UGT1A8: variants seen among roughly 807,000 people sequenced by gnomAD.
UGT1A8 encodes UDP glucuronosyltransferase family 1 member A8.
UGT1A8 carries 39 observed loss-of-function variants against 45.3 expected under a neutral mutation model. The observed-to-expected ratio is 0.86, with a 90% CI of 0.67 to 1.12. UGT1A8 has a LOEUF of 1.12. Among genes scored for constraint, UGT1A8 ranks in the 50% most tolerant of loss-of-function variants. The probability of loss-of-function intolerance (pLI) is 0.00; values close to 1 mark genes in which losing one functional copy is unlikely to be tolerated. For missense variants in UGT1A8, 719 were observed against 664.9 expected, an observed-to-expected ratio of 1.08 and a Z score of -0.90; for synonymous variants, 275 against 249.2, an observed-to-expected ratio of 1.10 and a Z score of -0.97.
At chr2:233,623,543 C>A (rs1272811770) in intron 1 of UGT1A8, among the ~76,000 whole-genome samples, 1 of 152,048 alleles carries the variant, frequency 6.6e-6, no homozygotes, top group African/African-American at 2.4e-5. Flanking sequence ...CATTCCATCA[C>A]CGAATACTTA....
At chr2:233,743,773 C>A (rs367921172) in intron 1 of UGT1A8, 4 of 1,367,248 alleles carry the variant, frequency 2.9e-6, no homozygotes, top group African/African-American at 1.5e-5. Context: ...CCTCGGCCAC[C>A]TGCTTGAATC....
chr2:233,769,826 G>A lies in UGT1A8; in HGVS notation c.1295+1387G>A. ...GCCGTGATCATGCCACTGCACTCCA[G>A]CAACCTGGGCAACAGAGTGAGACCC... On this transcript the variant is annotated intron_variant, in intron 4 of 4. Transcript: ENST00000373450. This position sits in a 1 kb window ranked among gnomAD's most constrained non-coding sequence, Gnocchi z 4.4. 1.5e-6 allele frequency: 1 copy of A among 678,694 alleles called. No individual in the cohort carries two copies. Among genetic ancestry groups the A allele is most frequent in the East Asian group, 3.3e-5 (1 of 29,888 alleles). The allele number at this position is 678,694 out of a possible 1,614,324, so 42.0% of individuals were successfully genotyped here.
Position 233,618,540 on chromosome 2 carries a change from A to C in UGT1A8, c.833A>C (p.His278Pro). ...ATCTTCATTGGTGGTATCAACTGCC[A>C]TCAGGGAAAGCCATTGCCTATGGTA... The part of the protein sequence containing the change: ...NMIFIGGINC[H>P]QGKPLPMEFE... The change falls in exon 1 of 5, where the codon CAT (histidine) becomes CCT (proline). Residue 278 changes from histidine to proline, a missense_variant. Coordinates refer to ENST00000373450, the MANE Select transcript of UGT1A8 (RefSeq NM_019076.5). The C allele has an allele frequency of 6.2e-7, 1 of 1,613,826 alleles. No individual in the cohort carries two copies.
intron 1 of UGT1A8, among the ~76,000 whole-genome samples, chr2:233,649,541 A>C (rs2125474425): frequency 1.3e-5 from 2 of 152,342 alleles, no homozygotes; most frequent in Middle Eastern, 6.8e-3. Flanking sequence ...ATGAAAATCA[A>C]ATCAACTATC....
rs1180663436 is a variant in UGT1A8, at chr2:233,636,987, A to C, written c.855+18425A>C. ...TGGATCCTTTTGATACCTGTGGCTT[A>C]ATTGTTGCTAAATATTTCTCCCTCC... On this transcript the variant is annotated intron_variant, in intron 1 of 4. Transcript: ENST00000373450. 1.9e-6 allele frequency: 3 copies of C among 1,613,938 alleles called. No homozygotes were observed. The African/African-American group carries it at 4.0e-5, about 22-fold the overall frequency.
At chr2:233,740,238 G>A (rs1254751502) in intron 1 of UGT1A8, among the ~76,000 whole-genome samples, 1 of 151,796 alleles carries the variant, frequency 6.6e-6, no homozygotes, top group Non-Finnish European at 1.5e-5. Context: ...AGCAGGCTGA[G>A]AATAGACTAA....
rs367754114 is a variant in UGT1A8 at position 233,752,975 on chromosome 2, T to G, written c.856-14059T>G. On this transcript the variant is annotated intron_variant, in intron 1 of 4. Coordinates refer to ENST00000373450, the MANE Select transcript of UGT1A8 (RefSeq NM_019076.5). ...AATGGGATTTATGTAACCAATTGTG[T>G]AGATACAAACCCACTCATTCTATCC... Among the ~76,000 whole-genome samples, 45 of 152,332 alleles carry G rather than the reference T, an allele frequency of 3.0e-4. 2 individuals carry two copies. In the East Asian group the frequency reaches 7.1e-3, roughly 24 times the overall value.
intron 1 of UGT1A8, among the ~76,000 whole-genome samples, chr2:233,710,586 G>C (rs947455751): frequency 1.3e-5 from 2 of 152,000 alleles, no homozygotes; most frequent in Non-Finnish European, 2.9e-5. Flanking sequence ...AAAATCTTCC[G>C]CACACCTTTA....
rs75381408 is a variant in UGT1A8 at position 233,641,803 on chromosome 2, T to C, written c.855+23241T>C. ...TATTCTGGGGTAAAAGGTTTTTTTT[T>C]CTTCAGCACTTTAAATATGTCATGC... On this transcript the variant is annotated intron_variant, in intron 1 of 4. Transcript: ENST00000373450. Among the ~76,000 whole-genome samples the C allele has an allele frequency of 3.6e-3, 544 of 152,304 alleles. 15 individuals carry two copies. Among genetic ancestry groups the C allele is most frequent in the Admixed American group, 0.032 (489 of 15,292 alleles).
chr2:233,677,561 G>A (rs922418586), intron 1 of UGT1A8, among the ~76,000 whole-genome samples: 2 of 152,024 alleles, frequency 1.3e-5, no homozygotes, highest in South Asian at 2.1e-4. Flanking sequence ...ATTAAAAAAC[G>A]TAACATATGA....
chr2:233,672,105 A>G (rs772969942), intron 1 of UGT1A8: 1 of 1,614,176 alleles, frequency 6.2e-7, no homozygotes, highest in Non-Finnish European at 8.5e-7. Context: ...AGGTGGTTGT[A>G]GTCATGCCAG....
At chr2:233,724,943 T>TC (rs1416863608) in intron 1 of UGT1A8, among the ~76,000 whole-genome samples, 2 of 143,908 alleles carry the variant, frequency 1.4e-5, no homozygotes, top group Non-Finnish European at 3.0e-5. Context: ...CCGTCTGCAA[T>TC]CCCGGCACCT....
intron 1 of UGT1A8, among the ~76,000 whole-genome samples, chr2:233,694,700 T>A (rs1054532656): frequency 1.3e-5 from 2 of 152,236 alleles, no homozygotes; most frequent in African/African-American, 4.8e-5. Context: ...CTTACCTCTC[T>A]TCTTTACACC....
chr2:233,707,274 T>C (rs2075953274), intron 1 of UGT1A8, among the ~76,000 whole-genome samples: 3 of 152,166 alleles, frequency 2.0e-5, no homozygotes, highest in Admixed American at 2.0e-4. Flanking sequence ...TTATTTTAAG[T>C]TCCAGGGCAC....
intron 1 of UGT1A8, chr2:233,682,406 G>T (rs1420608459): frequency 6.2e-7 from 1 of 1,613,816 alleles, no homozygotes. Flanking sequence ...TGGCTTAATT[G>T]TTGCCAAATA....
Position 233,618,120 on chromosome 2 carries a change from A to G in UGT1A8, c.413A>G (p.Lys138Arg). 3 of 1,614,122 alleles carry G rather than the reference A, an allele frequency of 1.9e-6. No homozygotes were observed. Among genetic ancestry groups the G allele is most frequent in the Non-Finnish European group, 2.5e-6 (3 of 1,180,020 alleles). The change falls in exon 1 of 5, where the codon AAG (lysine) becomes AGG (arginine). Residue 138 changes from lysine to arginine, a missense_variant. By Grantham distance (26) the Lys-to-Arg change is conservative. Transcript: ENST00000373450. ...FNDRKLVEYLKESSFDAVFLD... is the reference protein window; with the variant it reads ...FNDRKLVEYLRESSFDAVFLD... ...GACCGAAAATTAGTAGAATACTTAA[A>G]GGAGAGTTCTTTTGATGCGGTGTTT... is the stretch of plus-strand genomic sequence containing the variant.
rs563417082 is a variant in UGT1A8, at chr2:233,769,495, G to C, written c.1295+1056G>C. ...TGTGTGTGTGCGTGTGTTTATGAGA[G>C]TGTCCATTGCTTTCTCCCATGGTTA... is the stretch of plus-strand genomic sequence containing the variant. On this transcript the variant is annotated intron_variant, in intron 4 of 4. Transcript: ENST00000373450. The surrounding 1 kb of genome is among the most constrained non-coding windows in gnomAD (Gnocchi z 4.4). 1.4e-5 allele frequency: 23 copies of C among 1,612,758 alleles called. No individual in the cohort carries two copies. The South Asian group carries it at 2.2e-4, about 15-fold the overall frequency.
intron 1 of UGT1A8, chr2:233,741,470 G>C (rs1212824071): frequency 1.3e-5 from 2 of 150,616 alleles, no homozygotes; most frequent in East Asian, 3.8e-4. Context: ...ACACATGTAA[G>C]TTCCCTCGTC....
chr2:233,730,676 G>A (rs992783530), intron 1 of UGT1A8, among the ~76,000 whole-genome samples: 4 of 152,128 alleles, frequency 2.6e-5, no homozygotes, highest in Non-Finnish European at 4.4e-5. Flanking sequence ...CAAAGTAATG[G>A]TTGCATCTCA....
Sources: allele counts gnomAD v4.1 joint callset (sites outside exome capture counted in the v4.1 genomes callset), GRCh38; gene constraint gnomAD v4.1.1; non-coding constraint Gnocchi (gnomAD v3.1); transcripts MANE v1.5; gene names NCBI Gene and HGNC (gene_info 2026-07-23, HGNC 2026-07-21).